The following MYO9A variants were observed in gnomAD, a reference collection of about 807,000 sequenced individuals.
MYO9A encodes unconventional myosin-IXa.
Under a neutral mutation model 293.3 loss-of-function variants are expected in MYO9A, and 103 were observed. The ratio of observed to expected loss-of-function variants is 0.35; its 90% CI spans 0.30 to 0.41. The LOEUF is 0.41. Among genes scored for constraint, MYO9A ranks in the 10% least tolerant of loss-of-function variants. The pLI is 1.00. For missense variants in MYO9A, 2,685 were observed against 3,033.0 expected, an observed-to-expected ratio of 0.89 and a Z score of 2.69; for synonymous variants, 1,001 against 1,035.7, an observed-to-expected ratio of 0.97 and a Z score of 0.64.
intron 32 of MYO9A, among the ~76,000 whole-genome samples, chr15:71,870,525 C>T (rs2056476493): frequency 6.6e-6 from 1 of 152,050 alleles, no homozygotes; most frequent in African/African-American, 2.4e-5. Flanking sequence ...AGAATAAACA[C>T]ATCAATGAAT....
intron 1 of MYO9A, among the ~76,000 whole-genome samples, chr15:72,054,678 CAAAAAAAAAAAAAAAA>C (rs11284116): frequency 1.6e-5 from 1 of 63,926 alleles, no homozygotes; most frequent in Non-Finnish European, 2.7e-5. Flanking sequence ...GACTCTGTCT[CAAAAAAAAAAAAAAAA>C]AAAAAAAAAG....
At chr15:71,913,730 T>C (rs1314269471) in intron 19 of MYO9A, among the ~76,000 whole-genome samples, 5 of 152,202 alleles carry the variant, frequency 3.3e-5, no homozygotes, top group Admixed American at 2.6e-4. Context: ...TTTCTTAACA[T>C]GCTGTTAAGT....
intron 33 of MYO9A, 50 bp from the exon 34 acceptor site, chr15:71,859,846 G>T: frequency 6.8e-7 from 1 of 1,477,168 alleles, no homozygotes; most frequent in South Asian, 1.2e-5. Context: ...GTACATCAGT[G>T]ATAATAACTT....
At chr15:72,083,759 A>G (rs1476208572) in intron 1 of MYO9A, among the ~76,000 whole-genome samples, 1 of 152,126 alleles carries the variant, frequency 6.6e-6, no homozygotes, top group Non-Finnish European at 1.5e-5. Flanking sequence ...TTCATGGTTT[A>G]CCCAAAAGTC....
intron 19 of MYO9A, among the ~76,000 whole-genome samples, chr15:71,909,741 C>G (rs2057775813): frequency 6.6e-6 from 1 of 152,146 alleles, no homozygotes; most frequent in Admixed American, 6.5e-5. Flanking sequence ...AGAAGTCTTA[C>G]AACTATATAT....
At chr15:72,073,973 T>C (rs1339310101) in intron 1 of MYO9A, among the ~76,000 whole-genome samples, 1 of 152,184 alleles carries the variant, frequency 6.6e-6, no homozygotes, top group African/African-American at 2.4e-5. Context: ...ACTGTAAGTA[T>C]TTTAGGTCTT....
intron 15 of MYO9A, among the ~76,000 whole-genome samples, chr15:71,947,919 C>T (rs1329364722): frequency 6.6e-6 from 1 of 152,198 alleles, no homozygotes; most frequent in Admixed American, 6.5e-5. Flanking sequence ...CCTGTCATTT[C>T]TGGAAGTGAG....
At position 71,983,823 on chromosome 15, in the gene MYO9A, T is replaced by C. The variant is rs911882534; in HGVS notation, c.1723-5531A>G. Among the ~76,000 whole-genome samples, 7 of 152,386 alleles carry C rather than the reference T, an allele frequency of 4.6e-5. No individual in the cohort carries two copies. In the East Asian group the frequency reaches 1.3e-3, roughly 29 times the overall value. On this transcript the variant is annotated intron_variant, in intron 11 of 41. Coordinates refer to ENST00000356056, the MANE Select transcript of MYO9A (RefSeq NM_006901.4). ...AAGCCATAAAAGTTATTTTTAACTT[T>C]GCCTCATTAATATTCATTTAGATTC... is the stretch of plus-strand genomic sequence containing the variant.
chr15:71,925,925 T>C (rs2058301717), intron 18 of MYO9A, among the ~76,000 whole-genome samples: 1 of 152,218 alleles, frequency 6.6e-6, no homozygotes, highest in Non-Finnish European at 1.5e-5. Context: ...TTGCATATTT[T>C]TATCACGGTA....
chr15:72,078,681 A>T (rs896870453), intron 1 of MYO9A, among the ~76,000 whole-genome samples: 2 of 152,230 alleles, frequency 1.3e-5, no homozygotes, highest in East Asian at 3.8e-4. Flanking sequence ...AAACCTGCAC[A>T]TGGATGTTTA....
rs2140315242 is a variant in MYO9A at position 71,822,620 on chromosome 15, TATAA to T, written c.*3956_*3959del. On this transcript the variant is annotated 3_prime_UTR_variant, in exon 42 of 42. Coordinates refer to ENST00000356056, the MANE Select transcript of MYO9A (RefSeq NM_006901.4). ...AAAAAAAATTTACACTCAGCATACTTATAAATTACTTAAAATCCATTAAAATAAT... is the reference window on the plus strand; with the variant it reads ...AAAAAAAATTTACACTCAGCATACTTATTACTTAAAATCCATTAAAATAAT... 1 of 152,282 alleles carries T rather than the reference TATAA, an allele frequency of 6.6e-6. No individual in the cohort carries two copies. The highest frequency in any genetic ancestry group is 2.1e-4 in the South Asian group (1 of 4,818). The allele number at this position is 152,282 out of a possible 1,614,324, so 9.4% of individuals were successfully genotyped here.
intron 9 of MYO9A, among the ~76,000 whole-genome samples, chr15:71,996,124 T>A (rs1159920065): frequency 6.6e-6 from 1 of 152,060 alleles, no homozygotes; most frequent in Non-Finnish European, 1.5e-5. Flanking sequence ...AATGAAAATA[T>A]AACAGAATAC....
At chr15:72,108,375 C>A (rs1289626361) in intron 1 of MYO9A, among the ~76,000 whole-genome samples, 2 of 152,024 alleles carry the variant, frequency 1.3e-5, no homozygotes, top group Non-Finnish European at 2.9e-5. Flanking sequence ...AATATAACTT[C>A]CAGTTTACAG....
chr15:71,998,825 G>A (rs553801980), intron 9 of MYO9A, among the ~76,000 whole-genome samples: 38 of 152,034 alleles, frequency 2.5e-4, no homozygotes, highest in African/African-American at 8.2e-4. Flanking sequence ...GAGAACGTGC[G>A]GTGTTCGGTT....
intron 27 of MYO9A, among the ~76,000 whole-genome samples, chr15:71,885,427 C>G (rs2056990510): frequency 6.6e-6 from 1 of 151,990 alleles, no homozygotes; most frequent in Admixed American, 6.6e-5. Flanking sequence ...TTTCTATATA[C>G]AATTCACCTC....
intron 33 of MYO9A, among the ~76,000 whole-genome samples, chr15:71,861,660 G>A (rs895879179): frequency 2.9e-4 from 36 of 123,380 alleles, no homozygotes; most frequent in Admixed American, 1.4e-3. Flanking sequence ...TGCCATCACC[G>A]TTTTAGGCAC....
At chr15:72,041,057 C>T in intron 2 of MYO9A, 1 of 427,836 alleles carries the variant, frequency 2.3e-6, no homozygotes, top group Non-Finnish European at 4.6e-6. Context: ...CCAGCCTGGG[C>T]AACATGGTAA....
At chr15:71,910,669 T>C (rs571736951) in intron 19 of MYO9A, among the ~76,000 whole-genome samples, 271 of 152,330 alleles carry the variant, frequency 1.8e-3, no homozygotes, top group African/African-American at 6.4e-3. Flanking sequence ...TTGGCAAGTA[T>C]GTAACAGTAT....
intron 7 of MYO9A, among the ~76,000 whole-genome samples, chr15:72,009,241 A>C (rs2077104768): frequency 6.6e-6 from 1 of 152,192 alleles, no homozygotes; most frequent in South Asian, 2.1e-4. Context: ...AGTTTATGTC[A>C]CCAATTGAGT....
Sources: gnomAD v4.1 joint callset for allele counts (sites outside exome capture counted in the v4.1 genomes callset) on GRCh38, gnomAD v4.1.1 for gene constraint, MANE v1.5 for transcripts, NCBI Gene and HGNC (gene_info 2026-07-23, HGNC 2026-07-21) for gene names.